KIF20B: variants seen among roughly 807,000 people sequenced by gnomAD.
KIF20B encodes the protein kinesin family member 20B.
KIF20B carries 188 observed loss-of-function variants against 232.5 expected under a neutral mutation model. The observed-to-expected ratio is 0.81, with a 90% CI of 0.72 to 0.91. The LOEUF (loss-of-function observed/expected upper bound fraction) is 0.91, where lower values mean the gene tolerates loss of function less well. Ranked by LOEUF, KIF20B falls within the 40% of genes least tolerant of loss-of-function variation. The probability of loss-of-function intolerance (pLI) is 0.00; values close to 1 mark genes in which losing one functional copy is unlikely to be tolerated. For synonymous variants in KIF20B, 712 were observed against 683.0 expected (o/e 1.04, Z -0.66); for missense variants, 2,154 against 2,055.9 (o/e 1.05, Z -0.92).
In KIF20B at chr10:89,738,622, G is replaced by T; in HGVS notation, c.3776+5G>T. 6.5e-7 allele frequency: 1 copy of T among 1,538,768 alleles called. No individual in the cohort carries two copies. On this transcript the variant is annotated splice_donor_5th_base_variant and intron_variant, in intron 20 of 32. Coordinates refer to ENST00000371728, the MANE Select transcript of KIF20B (RefSeq NM_001284259.2). ...CAACAGGCAAGAAACAGAAAAGTAA[G>T]CTAAATGTTATTCAAAATATTTTAA...
In KIF20B at chr10:89,724,536, GA is replaced by G. The variant is rs1038468732; in HGVS notation, c.1862+441del. Among the ~76,000 whole-genome samples the G allele has an allele frequency of 2.8e-4, 43 of 151,416 alleles. 1 individual carries two copies. The highest frequency in any genetic ancestry group is 2.1e-3 in the Admixed American group (32 of 15,236). On this transcript the variant is annotated intron_variant, in intron 14 of 32. Transcript: ENST00000371728. ...AGAGTGAGACTCTTGTCTCAGAGAA[GA>G]AAAAAAAGAATATAGCTGTAACTAA...
chr10:89,751,747 T>G (rs1361294790), intron 24 of KIF20B, among the ~76,000 whole-genome samples: 1 of 152,074 alleles, frequency 6.6e-6, no homozygotes, highest in Non-Finnish European at 1.5e-5. Flanking sequence ...TCCCTAGATG[T>G]TAAGAGTAAG....
At chr10:89,749,919 T>C (rs1192442355) in intron 23 of KIF20B, among the ~76,000 whole-genome samples, 1 of 152,192 alleles carries the variant, frequency 6.6e-6, no homozygotes, top group Non-Finnish European at 1.5e-5. Context: ...TGATTGCTTG[T>C]TCATTTAATA....
In KIF20B at chr10:89,754,622, GA is replaced by G. The variant is rs1404649015; in HGVS notation, c.4458del (p.Lys1486AsnfsTer19). 1.2e-6 allele frequency: 2 copies of G among 1,602,406 alleles called. No individual in the cohort carries two copies. The highest frequency in any genetic ancestry group is 1.1e-5 in the South Asian group (1 of 87,778). On this transcript the variant is annotated frameshift_variant, in exon 26 of 33. Transcript: ENST00000371728. LOFTEE classifies it high-confidence loss of function. ...EAENIRNKEM[K>X]KYAEDRERFF... ...CAGAGAATATACGAAATAAAGAGAT[GA>G]AAAAATATGCTGAGGACAGGGAGCG...
intron 31 of KIF20B, among the ~76,000 whole-genome samples, chr10:89,772,203 C>G (rs180756882): frequency 1.0e-3 from 154 of 152,142 alleles, no homozygotes; most frequent in Non-Finnish European, 1.8e-3. Flanking sequence ...AAGCAATCAG[C>G]TGTTAACAGT....
At chr10:89,708,100 AT>A (rs1373647068) in intron 2 of KIF20B, among the ~76,000 whole-genome samples, 1 of 151,830 alleles carries the variant, frequency 6.6e-6, no homozygotes, top group Non-Finnish European at 1.5e-5. Flanking sequence ...TTGTTTTCTA[AT>A]TTTTTCCTGA....
At chr10:89,765,091 A>T (rs1204681070) in intron 29 of KIF20B, among the ~76,000 whole-genome samples, 1 of 151,606 alleles carries the variant, frequency 6.6e-6, no homozygotes, top group African/African-American at 2.4e-5. Flanking sequence ...TAAGGAAGGG[A>T]TCCAGTTTCA....
Position 89,719,551 on chromosome 10 carries a change from G to C in KIF20B, c.1567G>C (p.Glu523Gln). 2 of 1,613,368 alleles carry C rather than the reference G, an allele frequency of 1.2e-6. No homozygotes were observed. Among genetic ancestry groups the C allele is most frequent in the Non-Finnish European group, 1.7e-6 (2 of 1,179,548 alleles). ...LNVKRATISWENSLEDLMEDE... is the reference protein window; with the variant it reads ...LNVKRATISWQNSLEDLMEDE... ...TGTAAAAAGAGCCACCATTTCATGGGAAAATAGTCTAGAAGATTTGATGGA... is the reference window on the plus strand; with the variant it reads ...TGTAAAAAGAGCCACCATTTCATGGCAAAATAGTCTAGAAGATTTGATGGA... Residue 523 changes from glutamate (E) to glutamine (Q), a missense_variant, in exon 13 of 33, where the codon GAA becomes CAA. Physicochemically the swap from Glu to Gln is conservative, Grantham distance 29. Coordinates refer to ENST00000371728, the MANE Select transcript of KIF20B (RefSeq NM_001284259.2).
intron 3 of KIF20B, 32 bp downstream of exon 3, chr10:89,709,285 T>A (rs746431610): frequency 1.1e-5 from 18 of 1,587,498 alleles, no homozygotes; most frequent in Non-Finnish European, 1.6e-5. Context: ...ATTTTAATAT[T>A]TTACTTTCAT....
chr10:89,737,737 A>G lies in KIF20B; in HGVS notation c.2896A>G (p.Asn966Asp), dbSNP rs375953320. The change falls in exon 20 of 33, where the codon AAT becomes GAT. Residue 966 changes from asparagine (N) to aspartate (D), a missense_variant. By Grantham distance (23) the Asn-to-Asp change is conservative (BLOSUM62 1). Coordinates refer to ENST00000371728, the MANE Select transcript of KIF20B (RefSeq NM_001284259.2). ...EQEEKIMKLS[N>D]EIETATRSIT... ...GGAGGAAAAGATCATGAAATTGTCA[A>G]ATGAGATAGAAACTGCTACAAGAAG... is the stretch of plus-strand genomic sequence containing the variant. 7 of 1,612,592 alleles carry G rather than the reference A, an allele frequency of 4.3e-6. No individual in the cohort carries two copies. Among genetic ancestry groups the G allele is most frequent in the Non-Finnish European group, 5.9e-6 (7 of 1,179,272 alleles).
At chr10:89,709,121 G>T in intron 2 of KIF20B, 46 bp from the exon 3 acceptor site, 1 of 1,345,088 alleles carries the variant, frequency 7.4e-7, no homozygotes, top group Non-Finnish European at 1.1e-6. Flanking sequence ...TCTCTGAAAA[G>T]CCGTATCTTT....
intron 19 of KIF20B, among the ~76,000 whole-genome samples, chr10:89,734,907 A>C (rs748076504): frequency 1.3e-5 from 2 of 152,250 alleles, no homozygotes; most frequent in African/African-American, 2.4e-5. Flanking sequence ...GTCAACTTCT[A>C]GAAATTTTCA....
chr10:89,750,913 G>A (rs1370784648), intron 23 of KIF20B, among the ~76,000 whole-genome samples: 2 of 152,082 alleles, frequency 1.3e-5, no homozygotes, highest in Admixed American at 6.6e-5. Flanking sequence ...TTGGGATTGA[G>A]CTTTTTTAGT....
intron 1 of KIF20B, among the ~76,000 whole-genome samples, chr10:89,705,040 A>C (rs993009308): frequency 9.2e-5 from 14 of 152,334 alleles, no homozygotes; most frequent in African/African-American, 3.4e-4. Flanking sequence ...ACCTGTACTC[A>C]CGAAACCTCT....
chr10:89,772,659 C>A, intron 31 of KIF20B, 30 bp from the exon 32 acceptor site: 1 of 1,395,284 alleles, frequency 7.2e-7, no homozygotes, highest in African/African-American at 1.5e-5. Context: ...AAAATTATTT[C>A]AGGAACTAAT....
At chr10:89,733,350 T>G (rs575011889) in intron 19 of KIF20B, among the ~76,000 whole-genome samples, 2 of 152,210 alleles carry the variant, frequency 1.3e-5, no homozygotes. Flanking sequence ...TTTATAAATA[T>G]AGTATTTTCT....
chr10:89,766,922 ATTTT>A (rs751433719), intron 29 of KIF20B, among the ~76,000 whole-genome samples: 4 of 151,076 alleles, frequency 2.6e-5, no homozygotes, highest in Non-Finnish European at 5.9e-5. Context: ...TTCTTGATCC[ATTTT>A]TTTTCAACGA....
rs1842043240 is a variant in KIF20B at position 89,752,584 on chromosome 10, GA to G, written c.4245del (p.Lys1415AsnfsTer49). 3.7e-6 allele frequency: 6 copies of G among 1,600,574 alleles called. No homozygotes were observed. In the East Asian group the frequency reaches 1.4e-4, roughly 36 times the overall value. On this transcript the variant is annotated frameshift_variant, in exon 25 of 33. Transcript: ENST00000371728. LOFTEE classifies it high-confidence loss of function. ...CAAATCAGAATTGGAAAAATGGAAG[GA>G]AAAATGCAATGATTTGGAAACCAAA... is the stretch of plus-strand genomic sequence containing the variant. ...RLATELEKWKEKCNDLETKNN... is the reference protein window; with the variant it reads ...RLATELEKWKXKCNDLETKNN...
intron 16 of KIF20B, 143 bp from the exon 17 acceptor site, chr10:89,727,713 G>A: frequency 1.5e-6 from 1 of 662,056 alleles, no homozygotes. Flanking sequence ...TAATGAGTAG[G>A]GTGTGCTTCT....
Sources: gnomAD v4.1 joint callset for allele counts (sites outside exome capture counted in the v4.1 genomes callset) on GRCh38, gnomAD v4.1.1 for gene constraint, MANE v1.5 for transcripts, NCBI Gene and HGNC (gene_info 2026-07-23, HGNC 2026-07-21) for gene names.